The following SLC6A9 variants were observed in gnomAD, a reference collection of about 807,000 sequenced individuals.
SLC6A9 encodes the protein solute carrier family 6 member 9.
In SLC6A9, 31 loss-of-function variants were observed where a neutral mutation model predicts 70.9. That is an observed-to-expected ratio of 0.44 (90% confidence interval 0.33 to 0.59). The LOEUF is 0.59. SLC6A9 is among the 20% of genes least tolerant of loss of function. The pLI is 0.04. For synonymous variants in SLC6A9, 310 were observed against 341.3 expected (o/e 0.91, Z 1.01); for missense variants, 631 against 845.2 (o/e 0.75, Z 3.14).
At chr1:44,004,020 A>G (rs2086222491) in intron 5 of SLC6A9, among the ~76,000 whole-genome samples, 1 of 151,370 alleles carries the variant, frequency 6.6e-6, no homozygotes, top group South Asian at 2.1e-4. Context: ...TTTTTGACAC[A>G]GTCTTGCTCT....
chr1:43,999,460 G>A (rs2086006760), intron 12 of SLC6A9, among the ~76,000 whole-genome samples: 1 of 151,832 alleles, frequency 6.6e-6, no homozygotes, highest in Non-Finnish European at 1.5e-5. Flanking sequence ...GTGCCCCCTG[G>A]TCTCTCCCCA....
intron 12 of SLC6A9, 143 bp from the exon 13 acceptor site, chr1:43,998,168 C>T (rs1185298284): frequency 2.0e-5 from 16 of 786,684 alleles, no homozygotes; most frequent in Non-Finnish European, 3.2e-5. Context: ...CTGTCAACAT[C>T]TGGGCCGTGG....
intron 2 of SLC6A9, among the ~76,000 whole-genome samples, chr1:44,021,296 C>A (rs924981774): frequency 1.3e-5 from 2 of 152,178 alleles, no homozygotes; most frequent in African/African-American, 4.8e-5. Flanking sequence ...TCTCGCACAG[C>A]CCTGTCCTAG....
At position 44,011,613 on chromosome 1, in the gene SLC6A9, T is replaced by G. The variant is rs746124622; in HGVS notation, c.31-731A>C. 9.9e-6 allele frequency: 16 copies of G among 1,613,190 alleles called. No individual in the cohort carries two copies. In the Admixed American group the frequency reaches 1.5e-4, roughly 15 times the overall value. ...CATGAGTTGGGGAAGGAGACCAGAG[T>G]TGTAGGCCCCATGCCAGACTTTGAG... is the stretch of plus-strand genomic sequence containing the variant. On this transcript the variant is annotated intron_variant, in intron 2 of 13. Transcript: ENST00000372310.
At chr1:44,010,664 C>G in intron 3 of SLC6A9, 62 bp downstream of exon 3, 1 of 1,533,198 alleles carries the variant, frequency 6.5e-7, no homozygotes. Flanking sequence ...AGAGGGTGGC[C>G]CAGGCCCTGG....
intron 12 of SLC6A9, among the ~76,000 whole-genome samples, chr1:43,998,892 T>C (rs1346279381): frequency 7.4e-6 from 1 of 134,744 alleles, no homozygotes; most frequent in Non-Finnish European, 1.6e-5. Context: ...AGATTGGAAA[T>C]AAAACTTGTG....
intron 2 of SLC6A9, among the ~76,000 whole-genome samples, chr1:44,016,104 G>A (rs923593211): frequency 9.2e-5 from 14 of 152,216 alleles, no homozygotes; most frequent in African/African-American, 2.7e-4. Context: ...CAGGCATGCC[G>A]GGCTCCACTC....
At position 43,997,508 on chromosome 1, in the gene SLC6A9, CGGGGTG is replaced by C; in HGVS notation, c.*31_*36del. The C allele has an allele frequency of 6.5e-7, 1 of 1,538,496 alleles. No individual in the cohort carries two copies. Among genetic ancestry groups the C allele is most frequent in the Non-Finnish European group, 8.9e-7 (1 of 1,117,894 alleles). On this transcript the variant is annotated 3_prime_UTR_variant, in exon 14 of 14. Transcript: ENST00000372310. The surrounding 1 kb of genome is among the most constrained non-coding windows in gnomAD (Gnocchi z 4.4). ...CTCACCAGTCTCTGCGGTGGGAGCACGGGGTGGGGGTGGGGCCACTCCCCTGGCAGC... is the reference window on the plus strand; with the variant it reads ...CTCACCAGTCTCTGCGGTGGGAGCACGGGGTGGGGCCACTCCCCTGGCAGC...
intron 5 of SLC6A9, among the ~76,000 whole-genome samples, chr1:44,003,538 C>T (rs1394739934): frequency 2.0e-5 from 3 of 152,056 alleles, no homozygotes; most frequent in Admixed American, 2.0e-4. Flanking sequence ...GGGTGGATCA[C>T]CTGAAGTCAG....
At chr1:44,025,799 C>CAA (rs1319474277) in intron 1 of SLC6A9, among the ~76,000 whole-genome samples, 3 of 114,424 alleles carry the variant, frequency 2.6e-5, no homozygotes, top group Non-Finnish European at 3.8e-5. Context: ...GACTCCGTCT[C>CAA]AAAAAAAAAA....
intron 2 of SLC6A9, among the ~76,000 whole-genome samples, chr1:44,020,090 T>G (rs1195812988): frequency 6.6e-6 from 1 of 152,162 alleles, no homozygotes; most frequent in African/African-American, 2.4e-5. Flanking sequence ...GGAAGGTCAT[T>G]GCTTAGGCTG....
rs754748167 is a variant in SLC6A9, at chr1:44,002,277, G to GA, written c.962+35dup. On this transcript the variant is annotated intron_variant, in intron 8 of 13. Coordinates refer to ENST00000372310, the MANE Select transcript of SLC6A9 (RefSeq NM_001024845.3). The surrounding 1 kb of genome is among the most constrained non-coding windows in gnomAD (Gnocchi z 5.5). ...TGAGATCAGGCTGCAGAGAGTGCAG[G>GA]AAGGGGGCAGCCTCAGCCCAGCAGG... The GA allele has an allele frequency of 2.7e-6, 4 of 1,464,432 alleles. No individual in the cohort carries two copies. The highest frequency in any genetic ancestry group is 3.8e-6 in the Non-Finnish European group (4 of 1,043,568). The allele number at this position is 1,464,432 out of a possible 1,614,324, so 90.7% of individuals were successfully genotyped here. A position where few individuals can be genotyped will look rare whatever the true frequency, so the allele number is the denominator to read the frequency against.
At chr1:44,025,646 A>C (rs886256329) in intron 1 of SLC6A9, among the ~76,000 whole-genome samples, 1 of 152,112 alleles carries the variant, frequency 6.6e-6, no homozygotes, top group East Asian at 1.9e-4. Flanking sequence ...CTAAAATTAC[A>C]AAAATTAGCT....
At position 43,997,605 on chromosome 1, in the gene SLC6A9, C is replaced by G. The variant is rs757378898; in HGVS notation, c.1842G>C (p.Lys614Asn). The G allele has an allele frequency of 1.2e-6, 2 of 1,613,992 alleles. No homozygotes were observed. Among genetic ancestry groups the G allele is most frequent in the Non-Finnish European group, 1.7e-6 (2 of 1,180,000 alleles). Residue 614 changes from lysine to asparagine, a missense_variant, in exon 14 of 14, where the codon AAG becomes AAC. By Grantham distance (94) the Lys-to-Asn change is moderately conservative (BLOSUM62 0). Coordinates refer to ENST00000372310, the MANE Select transcript of SLC6A9 (RefSeq NM_001024845.3). This position sits in a 1 kb window ranked among gnomAD's most constrained non-coding sequence, Gnocchi z 4.4. ...TACTGCCCACAATGGGGATCTGCGC[C>G]TTGTCCGGGTGCAGTGGCTGGACCT... ...GFEVQPLHPDKAQIPIVGSNG... is the reference protein window; with the variant it reads ...GFEVQPLHPDNAQIPIVGSNG...
intron 5 of SLC6A9, among the ~76,000 whole-genome samples, chr1:44,006,504 C>T (rs913184412): frequency 1.4e-5 from 2 of 143,092 alleles, no homozygotes; most frequent in African/African-American, 5.2e-5. Context: ...AGGAGAATCG[C>T]TTACCCCGGG....
At chr1:44,019,787 C>T (rs1023837257) in intron 2 of SLC6A9, among the ~76,000 whole-genome samples, 3 of 152,248 alleles carry the variant, frequency 2.0e-5, no homozygotes, top group African/African-American at 7.2e-5. Flanking sequence ...TAAGAGTGGG[C>T]ATGCTTCCAG....
At chr1:44,017,389 A>G in intron 2 of SLC6A9, 1 of 1,226,090 alleles carries the variant, frequency 8.2e-7, no homozygotes, top group Non-Finnish European at 1.0e-6. Context: ...ACACACACAC[A>G]CACACACACA....
chr1:44,019,008 C>T (rs1464849574), intron 2 of SLC6A9, among the ~76,000 whole-genome samples: 1 of 152,110 alleles, frequency 6.6e-6, no homozygotes, highest in East Asian at 1.9e-4. Flanking sequence ...GGGTTCAAAC[C>T]CTAGCTTTGT....
In SLC6A9 at chr1:44,003,004, G is replaced by C. The variant is rs774183646; in HGVS notation, c.591-19C>G. On this transcript the variant is annotated intron_variant, in intron 5 of 13. Coordinates refer to ENST00000372310, the MANE Select transcript of SLC6A9 (RefSeq NM_001024845.3). ...GTACAGCCTGGGAAGGGGAGACTCT[G>C]TCACTGAGGGCCAGCCGCCGCTGCC... 1 of 1,613,424 alleles carries C rather than the reference G, an allele frequency of 6.2e-7. No homozygotes were observed. The highest frequency in any genetic ancestry group is 8.5e-7 in the Non-Finnish European group (1 of 1,179,670).
Sources: allele counts gnomAD v4.1 joint callset (sites outside exome capture counted in the v4.1 genomes callset), GRCh38; gene constraint gnomAD v4.1.1; non-coding constraint Gnocchi (gnomAD v3.1); transcripts MANE v1.5; gene names NCBI Gene and HGNC (gene_info 2026-07-23, HGNC 2026-07-21).